Variants in PRELID2 observed in about 807,000 individuals in gnomAD.
The protein encoded by PRELID2 is PRELI domain-containing protein 2.
PRELID2 carries 25 observed loss-of-function variants against 28.4 expected under a neutral mutation model. That is an observed-to-expected ratio of 0.88 (90% CI 0.64 to 1.23). The LOEUF (loss-of-function observed/expected upper bound fraction) is 1.23, where lower values mean the gene tolerates loss of function less well. Ranked by LOEUF, PRELID2 falls within the 50% of genes most tolerant of loss-of-function variation. The pLI is 0.00. For synonymous variants in PRELID2, 76 were observed against 71.6 expected, an observed-to-expected ratio of 1.06 and a Z score of -0.31; for missense variants, 201 against 214.4, an observed-to-expected ratio of 0.94 and a Z score of 0.39.
At chr5:145,797,053 C>T (rs557608980) in intron 4 of PRELID2, among the ~76,000 whole-genome samples, 131 of 152,050 alleles carry the variant, frequency 8.6e-4, no homozygotes, top group Non-Finnish European at 1.3e-3. Context: ...TTTCAATCCT[C>T]GATTGGAGAA....
intron 5 of PRELID2, among the ~76,000 whole-genome samples, chr5:145,781,575 T>C (rs891529446): frequency 2.9e-4 from 43 of 149,006 alleles, no homozygotes; most frequent in African/African-American, 1.0e-3. Context: ...TATATGTATG[T>C]GTGTGTATAT....
At chr5:145,688,077 A>G (rs1388830739) in intron 1 of PRELID2, among the ~76,000 whole-genome samples, 3 of 152,160 alleles carry the variant, frequency 2.0e-5, no homozygotes, top group East Asian at 1.9e-4. Flanking sequence ...AGGGCTTGAC[A>G]AGGTTTCATT....
chr5:145,754,578 T>G (rs1030516844), downstream of PRELID2, among the ~76,000 whole-genome samples: 13 of 152,186 alleles, frequency 8.5e-5, no homozygotes, highest in African/African-American at 2.9e-4. Context: ...CTAAACAGGA[T>G]CTGGTTTGAG....
At chr5:145,720,029 G>A (rs1561556853) in intron 1 of PRELID2, among the ~76,000 whole-genome samples, 2 of 151,214 alleles carry the variant, frequency 1.3e-5, no homozygotes, top group Admixed American at 6.6e-5. Context: ...TGTGATAAGA[G>A]GAAATGAAGA....
At chr5:145,326,414 GA>G in the PRELID2 span, among the ~76,000 whole-genome samples, 67 of 152,262 alleles carry the variant, frequency 4.4e-4, no homozygotes, top group African/African-American at 1.6e-3. Context: ...GAATTCATAT[GA>G]AAGGTAAAGA....
intron 1 of PRELID2, among the ~76,000 whole-genome samples, chr5:145,509,341 A>G (rs994940456): frequency 6.6e-6 from 1 of 152,224 alleles, no homozygotes; most frequent in Admixed American, 6.5e-5. Flanking sequence ...CCAGGAATAA[A>G]ACTACATTGG....
the PRELID2 span, among the ~76,000 whole-genome samples, chr5:145,412,703 T>G: frequency 2.0e-5 from 3 of 152,140 alleles, no homozygotes; most frequent in African/African-American, 7.2e-5. Flanking sequence ...AGCTCCCCAC[T>G]CCTGGTACCA....
At chr5:145,344,172 C>T in the PRELID2 span, among the ~76,000 whole-genome samples, 1 of 151,918 alleles carries the variant, frequency 6.6e-6, no homozygotes, top group Non-Finnish European at 1.5e-5. Context: ...CCAGCATAAC[C>T]ATTATACCAG....
intron 5 of PRELID2, among the ~76,000 whole-genome samples, chr5:145,791,606 A>C (rs1057140298): frequency 6.6e-6 from 1 of 152,166 alleles, no homozygotes; most frequent in African/African-American, 2.4e-5. Flanking sequence ...TTAATGGCTA[A>C]GGAGTTCCTG....
At chr5:145,419,638 T>C in the PRELID2 span, among the ~76,000 whole-genome samples, 1 of 151,852 alleles carries the variant, frequency 6.6e-6, no homozygotes, top group Non-Finnish European at 1.5e-5. Context: ...TAGCCCTTTG[T>C]CAGATGAGTA....
At chr5:145,745,488 C>T (rs111385197) in intron 1 of PRELID2, among the ~76,000 whole-genome samples, 3,426 of 152,284 alleles carry the variant, frequency 0.022, 124 homozygotes, top group African/African-American at 0.078. Context: ...CAAAGGGAAG[C>T]CCATCAGACT....
chr5:145,334,702 A>G, the PRELID2 span, among the ~76,000 whole-genome samples: 1 of 151,808 alleles, frequency 6.6e-6, no homozygotes, highest in Admixed American at 6.6e-5. Context: ...CATTTCTTTT[A>G]GAGACAATCT....
chr5:145,376,235 G>A, the PRELID2 span, among the ~76,000 whole-genome samples: 1 of 152,100 alleles, frequency 6.6e-6, no homozygotes, highest in East Asian at 1.9e-4. Context: ...TGCATTCCAG[G>A]GATAAAGCCT....
intron 1 of PRELID2, among the ~76,000 whole-genome samples, chr5:145,538,152 G>T (rs12521179): frequency 0.068 from 10,296 of 151,886 alleles, 595 homozygotes; most frequent in Admixed American, 0.19. Context: ...GCATATAAGT[G>T]AGTGAATTTA....
intron 1 of PRELID2, chr5:145,834,907 C>G: frequency 5.1e-6 from 2 of 389,626 alleles, no homozygotes. Flanking sequence ...ACGGAGCTCA[C>G]GAGCTGGGAT....
intron 1 of PRELID2, among the ~76,000 whole-genome samples, chr5:145,515,059 GACCT>G (rs1163662610): frequency 7.9e-5 from 12 of 152,164 alleles, no homozygotes; most frequent in African/African-American, 2.7e-4. Context: ...AAGCGGGAAA[GACCT>G]AAAGTCAACA....
intron 1 of PRELID2, among the ~76,000 whole-genome samples, chr5:145,704,714 G>A (rs1755497370): frequency 6.6e-6 from 1 of 152,188 alleles, no homozygotes; most frequent in African/African-American, 2.4e-5. Flanking sequence ...GACCAGGAGT[G>A]AAATCTTGAG....
chr5:145,768,510 T>C (rs556565986), intron 5 of PRELID2, among the ~76,000 whole-genome samples: 1 of 152,316 alleles, frequency 6.6e-6, no homozygotes, highest in South Asian at 2.1e-4. Flanking sequence ...TTTTTTATTC[T>C]AACAAATCTC....
intron 1 of PRELID2, among the ~76,000 whole-genome samples, chr5:145,746,791 C>T (rs957407450): frequency 2.6e-5 from 4 of 152,148 alleles, no homozygotes; most frequent in Non-Finnish European, 5.9e-5. Context: ...AAGTAAAAAA[C>T]TCCTGAGCAA....
Sources: gnomAD v4.1 joint callset for allele counts (sites outside exome capture counted in the v4.1 genomes callset) on GRCh38, gnomAD v4.1.1 for gene constraint, MANE v1.5 for transcripts, NCBI Gene and HGNC (gene_info 2026-07-23, HGNC 2026-07-21) for gene names.